NELL1: variants seen among roughly 807,000 people sequenced by gnomAD.
NELL1 encodes the protein neural EGFL like 1.
NELL1 carries 76 observed loss-of-function variants against 107.4 expected under a neutral mutation model. The observed-to-expected ratio is 0.71, with a 90% CI of 0.59 to 0.86. NELL1 has a LOEUF of 0.86. Among genes scored for constraint, NELL1 ranks in the 40% least tolerant of loss-of-function variants. The pLI, the probability that NELL1 is intolerant of heterozygous loss-of-function variation, is 0.00. For synonymous variants in NELL1, 353 were observed against 341.2 expected, an observed-to-expected ratio of 1.03 and a Z score of -0.38; for missense variants, 1,024 against 1,005.5, an observed-to-expected ratio of 1.02 and a Z score of -0.25.
intron 15 of NELL1, among the ~76,000 whole-genome samples, chr11:21,532,536 G>A (rs535526675): frequency 6.6e-6 from 1 of 152,160 alleles, no homozygotes; most frequent in Non-Finnish European, 1.5e-5. Flanking sequence ...ACATATGATT[G>A]CTTTGGTTGA....
rs115543141 is a variant in NELL1, at chr11:21,566,471, G to C, written c.1981-4293G>C. Among the ~76,000 whole-genome samples the C allele has an allele frequency of 1.6e-3, 244 of 151,716 alleles. 1 individual carries two copies. Among genetic ancestry groups the C allele is most frequent in the African/African-American group, 5.8e-3 (240 of 41,416 alleles). ...AAAAATGTATTTTTTTTACCAGATA[G>C]GAAACTTTATTTCCCTGCTTTTTAA... On this transcript the variant is annotated intron_variant, in intron 17 of 19. Transcript: ENST00000357134.
At position 21,377,672 on chromosome 11, in the gene NELL1, G is replaced by A. The variant is rs143106972; in HGVS notation, c.1645+6724G>A. Among the ~76,000 whole-genome samples the A allele has an allele frequency of 3.8e-3, 572 of 152,034 alleles. 6 individuals carry two copies. Among genetic ancestry groups the A allele is most frequent in the African/African-American group, 0.013 (530 of 41,498 alleles). Reference sequence around the variant, plus strand: ...TGACTGTGAATCCATCTGGTCCAGGGCATTTTTGCATGGTAGAATTTTATT... The same window carrying A: ...TGACTGTGAATCCATCTGGTCCAGGACATTTTTGCATGGTAGAATTTTATT... On this transcript the variant is annotated intron_variant, in intron 15 of 19. Transcript: ENST00000357134.
At position 20,813,809 on chromosome 11, in the gene NELL1, C is replaced by T. The variant is rs1469803265; in HGVS notation, c.335+29979C>T. On this transcript the variant is annotated intron_variant, in intron 3 of 19. Transcript: ENST00000357134. ...GGTATCAGCTTTCAGGGTGAATTTG[C>T]ACTTCTCTTGAGACATAATGAAAAG... 3.9e-5 allele frequency among the ~76,000 whole-genome samples: 6 copies of T among 152,056 alleles called. No homozygotes were observed. In the East Asian group the frequency reaches 1.2e-3, roughly 29 times the overall value.
intron 14 of NELL1, among the ~76,000 whole-genome samples, chr11:21,270,678 A>G (rs571804892): frequency 3.3e-5 from 5 of 152,312 alleles, no homozygotes; most frequent in Admixed American, 3.3e-4. Context: ...TCAACTGGAT[A>G]TAATTGACAT....
chr11:20,960,523 T>A lies in NELL1; in HGVS notation c.1263T>A (p.Gly421=). 1 of 1,614,002 alleles carries A rather than the reference T, an allele frequency of 6.2e-7. No homozygotes were observed. Residue 421 remains glycine (G), a synonymous_variant, in exon 12 of 20, where the codon GGT becomes GGA. Coordinates refer to ENST00000357134, the MANE Select transcript of NELL1 (RefSeq NM_006157.5). ...AAGCTACTTGTGAGTGCAAGAGTGG[T>A]TACATCTCTGTCCAGGGAGACTCTG... is the stretch of plus-strand genomic sequence containing the variant. The part of the protein sequence containing the change: ...NTKATCECKS[G]YISVQGDSAY...
intron 12 of NELL1, among the ~76,000 whole-genome samples, chr11:20,978,459 A>G (rs1198818872): frequency 3.9e-5 from 6 of 152,252 alleles, no homozygotes; most frequent in Admixed American, 3.9e-4. Flanking sequence ...CACACACAAC[A>G]AAGACCAAAT....
intron 13 of NELL1, among the ~76,000 whole-genome samples, chr11:21,188,700 T>G: frequency 6.6e-6 from 1 of 151,842 alleles, no homozygotes. Flanking sequence ...TTAGAGAAAC[T>G]TGGTTTTAGC....
intron 2 of NELL1, among the ~76,000 whole-genome samples, chr11:20,779,675 G>C (rs1213715245): frequency 6.6e-6 from 1 of 152,144 alleles, no homozygotes; most frequent in Non-Finnish European, 1.5e-5. Flanking sequence ...ATGTTAATTT[G>C]GAAAATCAGC....
intron 14 of NELL1, among the ~76,000 whole-genome samples, chr11:21,249,465 G>A (rs1407482907): frequency 6.7e-6 from 1 of 148,494 alleles, no homozygotes; most frequent in Non-Finnish European, 1.5e-5. Context: ...TTTTTTATTG[G>A]TTACAAAACC....
At chr11:21,313,442 A>G (rs566901013) in intron 14 of NELL1, among the ~76,000 whole-genome samples, 6 of 152,280 alleles carry the variant, frequency 3.9e-5, no homozygotes, top group African/African-American at 1.4e-4. Context: ...GGCATTCAAC[A>G]AACACTTCTA....
At chr11:20,809,677 A>T (rs1857458357) in intron 3 of NELL1, among the ~76,000 whole-genome samples, 1 of 152,140 alleles carries the variant, frequency 6.6e-6, no homozygotes, top group Non-Finnish European at 1.5e-5. Context: ...GGTTCCTCTA[A>T]GTTGCCACAA....
At chr11:20,993,274 G>C (rs1852017741) in intron 12 of NELL1, among the ~76,000 whole-genome samples, 1 of 152,076 alleles carries the variant, frequency 6.6e-6, no homozygotes, top group Non-Finnish European at 1.5e-5. Flanking sequence ...CATGATTGCT[G>C]AGTGACACAT....
chr11:20,844,440 C>G (rs985323753), intron 3 of NELL1, among the ~76,000 whole-genome samples: 5 of 152,162 alleles, frequency 3.3e-5, no homozygotes, highest in African/African-American at 1.2e-4. Context: ...TAAGGGCTTG[C>G]AAAATCTTTT....
chr11:20,724,483 C>T (rs1191097025), intron 2 of NELL1, among the ~76,000 whole-genome samples: 1 of 152,176 alleles, frequency 6.6e-6, no homozygotes, highest in Non-Finnish European at 1.5e-5. Flanking sequence ...TCATCTCACT[C>T]AAGCTGAAAG....
At chr11:21,556,607 C>T (rs1856716471) in intron 16 of NELL1, among the ~76,000 whole-genome samples, 1 of 151,864 alleles carries the variant, frequency 6.6e-6, no homozygotes, top group Non-Finnish European at 1.5e-5. Flanking sequence ...CTAAAAACCT[C>T]ACATCAAAGA....
intron 14 of NELL1, among the ~76,000 whole-genome samples, chr11:21,266,848 C>A (rs2133929571): frequency 6.6e-6 from 1 of 152,174 alleles, no homozygotes; most frequent in East Asian, 1.9e-4. Context: ...TAATTAGACT[C>A]ACCTCAAATT....
At chr11:21,205,615 G>A (rs1272763373) in intron 13 of NELL1, among the ~76,000 whole-genome samples, 1 of 152,164 alleles carries the variant, frequency 6.6e-6, no homozygotes, top group Non-Finnish European at 1.5e-5. Context: ...CTTTCTAGTG[G>A]AGTCAACAGT....
chr11:21,044,525 C>T (rs1853310956), intron 12 of NELL1, among the ~76,000 whole-genome samples: 1 of 152,006 alleles, frequency 6.6e-6, no homozygotes, highest in South Asian at 2.1e-4. Flanking sequence ...TATGTGTATG[C>T]ATGTTGATGT....
intron 13 of NELL1, among the ~76,000 whole-genome samples, chr11:21,141,576 A>C (rs1227084726): frequency 6.6e-6 from 1 of 152,106 alleles, no homozygotes; most frequent in Non-Finnish European, 1.5e-5. Context: ...AGAAATCTGA[A>C]GATAAATTGA....
Sources: gnomAD v4.1 joint callset for allele counts (sites outside exome capture counted in the v4.1 genomes callset) on GRCh38, gnomAD v4.1.1 for gene constraint, MANE v1.5 for transcripts, NCBI Gene and HGNC (gene_info 2026-07-23, HGNC 2026-07-21) for gene names.